Variants in EGF observed in about 807,000 individuals in gnomAD.
The protein encoded by EGF is epidermal growth factor.
In EGF, 95 loss-of-function variants were observed where a neutral mutation model predicts 143.8. The observed-to-expected ratio is 0.66, with a 90% CI of 0.56 to 0.78. The LOEUF (loss-of-function observed/expected upper bound fraction) is 0.78, where lower values mean the gene tolerates loss of function less well. Among genes scored for constraint, EGF ranks in the 30% least tolerant of loss-of-function variants. The pLI is 0.00. For missense variants in EGF, 1,320 were observed against 1,470.9 expected (o/e 0.90, Z 1.68); for synonymous variants, 510 against 510.5 (o/e 1.00, Z 0.01).
chr4:109,927,385 G>A (rs12502303), intron 1 of EGF, among the ~76,000 whole-genome samples: 26 of 152,088 alleles, frequency 1.7e-4, no homozygotes, highest in Admixed American at 1.6e-3. Context: ...AACATGCGGG[G>A]GGACTTTTGG....
chr4:109,987,810 C>T lies in EGF; in HGVS notation c.2558C>T (p.Ala853Val). 1 of 1,613,832 alleles carries T rather than the reference C, an allele frequency of 6.2e-7. No homozygotes were observed. The highest frequency in any genetic ancestry group is 8.5e-7 in the Non-Finnish European group (1 of 1,179,852). Reference protein sequence around the residue: ...YARCISEGEDATCQCLKGFAG... With the variant: ...YARCISEGEDVTCQCLKGFAG... Reference sequence around the variant, plus strand: ...CGGTGTATTTCAGAGGGAGAGGATGCCACATGTCAGTGTTTGAAAGGATTT... The same window carrying T: ...CGGTGTATTTCAGAGGGAGAGGATGTCACATGTCAGTGTTTGAAAGGATTT... The change falls in exon 17 of 24, where the codon GCC becomes GTC. Residue 853 changes from alanine to valine, a missense_variant. Physicochemically the swap from Ala to Val is moderately conservative, Grantham distance 64 (BLOSUM62 0). This residue lies in a region of EGF where 1,186 missense variants were observed against 1,313.7 expected (regional missense o/e 0.90). Coordinates refer to ENST00000265171, the MANE Select transcript of EGF (RefSeq NM_001963.6).
chr4:110,000,972 A>T (rs565263750), intron 21 of EGF, among the ~76,000 whole-genome samples: 41 of 152,332 alleles, frequency 2.7e-4, no homozygotes, highest in African/African-American at 9.6e-4. Flanking sequence ...TATGGGTACT[A>T]CACAACCACT....
intron 21 of EGF, chr4:110,001,857 C>G: frequency 3.0e-6 from 3 of 985,410 alleles, no homozygotes; most frequent in Non-Finnish European, 3.6e-6. Context: ...TGAAATGCAT[C>G]CAGAGTTGTA....
Position 110,011,851 on chromosome 4 carries a change from G to T in EGF, c.*396G>T. On this transcript the variant is annotated 3_prime_UTR_variant, in exon 24 of 24. Transcript: ENST00000265171. ...AGTTACAAAGTAATTTCTTTGATCT[G>T]GACAGAACATTTATATCAGTTTCAT... 3.6e-6 allele frequency: 1 copy of T among 278,534 alleles called. No homozygotes were observed. Among genetic ancestry groups the T allele is most frequent in the South Asian group, 4.2e-5 (1 of 23,926 alleles). The allele number at this position is 278,534 out of a possible 1,614,324, so 17.3% of individuals were successfully genotyped here.
intron 21 of EGF, among the ~76,000 whole-genome samples, chr4:110,001,312 G>T (rs1253339798): frequency 6.6e-6 from 1 of 152,140 alleles, no homozygotes; most frequent in East Asian, 1.9e-4. Context: ...GATTTTTTAT[G>T]AACTGTAACC....
chr4:109,981,030 G>A, intron 15 of EGF, 55 bp downstream of exon 15: 3 of 1,604,240 alleles, frequency 1.9e-6, no homozygotes, highest in Non-Finnish European at 2.6e-6. Context: ...AAATACAGCT[G>A]TACATCAATC....
chr4:109,955,095 G>A (rs767044203), intron 5 of EGF, among the ~76,000 whole-genome samples: 11 of 152,162 alleles, frequency 7.2e-5, no homozygotes, highest in Non-Finnish European at 1.5e-4. Context: ...GGAGTTTGAG[G>A]TAGACAAAGA....
intron 10 of EGF, among the ~76,000 whole-genome samples, chr4:109,965,500 A>T (rs567470785): frequency 6.6e-6 from 1 of 152,276 alleles, no homozygotes; most frequent in African/African-American, 2.4e-5. Flanking sequence ...CAGTTACAAT[A>T]ACAGAAAAAA....
chr4:110,001,913 A>C (rs1398332291), intron 21 of EGF: 1 of 985,278 alleles, frequency 1.0e-6, no homozygotes, highest in African/African-American at 1.7e-5. Context: ...AACAATTCTG[A>C]TCAGTGTACC....
At chr4:109,913,511 C>T in intron 1 of EGF, 49 bp downstream of exon 1, 2 of 1,603,002 alleles carry the variant, frequency 1.2e-6, no homozygotes, top group Non-Finnish European at 8.5e-7. Context: ...AAACTGCCCC[C>T]ACATCCCTGT....
chr4:109,920,013 A>G (rs1360480746), intron 1 of EGF, among the ~76,000 whole-genome samples: 2 of 151,650 alleles, frequency 1.3e-5, no homozygotes, highest in East Asian at 3.8e-4. Context: ...AATCAGTACA[A>G]TGTCTTTTAT....
chr4:109,929,993 A>C (rs763481177), intron 1 of EGF, among the ~76,000 whole-genome samples: 1 of 152,174 alleles, frequency 6.6e-6, no homozygotes, highest in Non-Finnish European at 1.5e-5. Flanking sequence ...GTGTTCTCCT[A>C]ATAGTGAGTG....
intron 11 of EGF, among the ~76,000 whole-genome samples, chr4:109,973,067 T>C (rs902913040): frequency 1.3e-5 from 2 of 152,304 alleles, no homozygotes; most frequent in Non-Finnish European, 2.9e-5. Flanking sequence ...AGGCAGTACA[T>C]TGGGAAAGGG....
intron 2 of EGF, among the ~76,000 whole-genome samples, chr4:109,942,341 T>A (rs1742073087): frequency 6.6e-6 from 1 of 152,218 alleles, no homozygotes; most frequent in Admixed American, 6.5e-5. Flanking sequence ...GTGAGCTAAT[T>A]TATGAATGGA....
At chr4:110,007,882 G>A (rs1452479883) in intron 22 of EGF, among the ~76,000 whole-genome samples, 4 of 152,164 alleles carry the variant, frequency 2.6e-5, no homozygotes, top group Non-Finnish European at 5.9e-5. Flanking sequence ...CCAGGGATCC[G>A]TGACCTAAAA....
intron 11 of EGF, among the ~76,000 whole-genome samples, chr4:109,970,051 A>G (rs1401762858): frequency 6.6e-6 from 1 of 152,160 alleles, no homozygotes; most frequent in Non-Finnish European, 1.5e-5. Flanking sequence ...TGCATGAGAT[A>G]AGAGAGATGC....
At position 109,976,033 on chromosome 4, in the gene EGF, A is replaced by C. The variant is rs763336139; in HGVS notation, c.1851A>C (p.Thr617=). 6.2e-7 allele frequency: 1 copy of C among 1,613,920 alleles called. No homozygotes were observed. Among genetic ancestry groups the C allele is most frequent in the African/African-American group, 1.3e-5 (1 of 75,052 alleles). ...PMAKRLFWTD[T]GINPRIESSS... ...AAAGGAGATTATTCTGGACTGATAC[A>C]GGGATTAATCCACGAATTGAAAGTT... is the stretch of plus-strand genomic sequence containing the variant. Residue 617 remains threonine (T), a synonymous_variant, in exon 13 of 24, where the codon ACA becomes ACC. Transcript: ENST00000265171.
chr4:109,932,379 A>ATT (rs35647377), intron 1 of EGF, among the ~76,000 whole-genome samples: 23 of 113,488 alleles, frequency 2.0e-4, no homozygotes, highest in African/African-American at 3.9e-4. Context: ...ATATATATAA[A>ATT]TTTTTTTTTT....
intron 9 of EGF, 150 bp from the exon 10 acceptor site, chr4:109,964,251 G>A (rs1746178961): frequency 2.8e-6 from 3 of 1,078,966 alleles, no homozygotes; most frequent in East Asian, 2.5e-5. Context: ...CCTCTTGCCT[G>A]TCTTCACCTA....
Sources: allele counts gnomAD v4.1 joint callset (sites outside exome capture counted in the v4.1 genomes callset), GRCh38; gene constraint gnomAD v4.1.1; regional missense constraint gnomAD v4.1.1; transcripts MANE v1.5; gene names NCBI Gene and HGNC (gene_info 2026-07-23, HGNC 2026-07-21).